JPH3: variants seen among roughly 807,000 people sequenced by gnomAD.
JPH3 encodes junctophilin-3.
A neutral mutation model predicts 59.6 loss-of-function variants in JPH3; 11 were observed. The observed-to-expected ratio is 0.18, with a 90% CI of 0.12 to 0.31. JPH3 has a LOEUF of 0.31. Ranked by LOEUF, JPH3 falls within the 10% of genes least tolerant of loss-of-function variation. The probability of loss-of-function intolerance (pLI) is 1.00; values close to 1 mark genes in which losing one functional copy is unlikely to be tolerated. For synonymous variants in JPH3, 673 were observed against 483.6 expected (o/e 1.39, Z -5.14); for missense variants, 1,202 against 1,105.7 (o/e 1.09, Z -1.24).
intron 4 of JPH3, chr16:87,694,817 C>G: frequency 5.2e-6 from 1 of 191,266 alleles, no homozygotes; most frequent in Non-Finnish European, 1.1e-5. Context: ...ACTTGCTGTC[C>G]CCTCCTCCCC....
rs147972155 is a variant in JPH3 at position 87,659,883 on chromosome 16, C to A, written c.1160+14848C>A. Among the ~76,000 whole-genome samples, 553 of 152,318 alleles carry A rather than the reference C, an allele frequency of 3.6e-3. 2 individuals carry two copies. Among genetic ancestry groups the A allele is most frequent in the Non-Finnish European group, 6.5e-3 (441 of 68,012 alleles). ...CCCTTGAAACACTAACTCCCCCTCC[C>A]AGGTTCCCTCCCCCAGCCTGGGGAT... On this transcript the variant is annotated intron_variant, in intron 2 of 4. Transcript: ENST00000284262.
intron 1 of JPH3, chr16:87,604,309 C>T: frequency 6.8e-7 from 1 of 1,467,312 alleles, no homozygotes; most frequent in Non-Finnish European, 9.1e-7. Context: ...GCTGCTGCTG[C>T]TGCTGCTGCT....
rs747863346 is a variant in JPH3 at position 87,689,763 on chromosome 16, C to A, written c.1403C>A (p.Ser468Tyr). The A allele has an allele frequency of 1.9e-6, 3 of 1,611,472 alleles. No homozygotes were observed. Among genetic ancestry groups the A allele is most frequent in the African/African-American group, 1.3e-5 (1 of 74,900 alleles). ...PELYRKGTTP[S>Y]DLTPDDSPLQ... is the part of the protein sequence containing the mutation. ...CTGTACCGCAAGGGCACCACTCCCTCCGACCTGACCCCCGACGACAGCCCC... is the reference window on the plus strand; with the variant it reads ...CTGTACCGCAAGGGCACCACTCCCTACGACCTGACCCCCGACGACAGCCCC... Residue 468 changes from serine to tyrosine, a missense_variant, in exon 4 of 5, where the codon TCC (serine) becomes TAC (tyrosine). Ser to Tyr is a moderately radical substitution (Grantham distance 144). Coordinates refer to ENST00000284262, the MANE Select transcript of JPH3 (RefSeq NM_020655.4).
intron 3 of JPH3, among the ~76,000 whole-genome samples, chr16:87,688,955 C>CT (rs1030463651): frequency 2.0e-5 from 3 of 152,182 alleles, no homozygotes; most frequent in African/African-American, 7.2e-5. Flanking sequence ...AATGCTGCCC[C>CT]TCCCTATCCA....
intron 2 of JPH3, among the ~76,000 whole-genome samples, chr16:87,647,636 C>A (rs993866034): frequency 2.6e-5 from 4 of 152,198 alleles, no homozygotes; most frequent in East Asian, 1.9e-4. Context: ...GGTCTTGGAT[C>A]GTAGCTCCTT....
In JPH3 at chr16:87,614,104, A is replaced by G. The variant is rs371447348; in HGVS notation, c.382+10576A>G. Among the ~76,000 whole-genome samples, 26 of 152,358 alleles carry G rather than the reference A, an allele frequency of 1.7e-4. No homozygotes were observed. The South Asian group carries it at 5.2e-3, about 30-fold the overall frequency. On this transcript the variant is annotated intron_variant, in intron 1 of 4. Coordinates refer to ENST00000284262, the MANE Select transcript of JPH3 (RefSeq NM_020655.4). ...GGGGCAGAGAGGTTTCACTCCCAGC[A>G]ATTTGTAAGCTTGGGGGACTGCCAG...
chr16:87,627,308 G>T (rs1056441772), intron 1 of JPH3, among the ~76,000 whole-genome samples: 1 of 152,264 alleles, frequency 6.6e-6, no homozygotes, highest in Admixed American at 6.5e-5. Context: ...CTGCATTTCA[G>T]GGTTCCCAGG....
chr16:87,644,397 C>T lies in JPH3; in HGVS notation c.522C>T (p.Gly174=). ...INSLRSEHTN[G]TALHPDASPA... is the part of the protein sequence containing the mutation. ...CCCTGCGCAGCGAGCACACCAACGG[C>T]ACGGCGCTGCATCCCGACGCCTCTC... Residue 174 remains glycine, a synonymous_variant, in exon 2 of 5, where the codon GGC becomes GGT. Coordinates refer to ENST00000284262, the MANE Select transcript of JPH3 (RefSeq NM_020655.4). 6.2e-7 allele frequency: 1 copy of T among 1,612,694 alleles called. No homozygotes were observed. The highest frequency in any genetic ancestry group is 8.5e-7 in the Non-Finnish European group (1 of 1,179,780).
At chr16:87,622,153 C>T (rs572450180) in intron 1 of JPH3, among the ~76,000 whole-genome samples, 2 of 152,292 alleles carry the variant, frequency 1.3e-5, no homozygotes, top group African/African-American at 4.8e-5. Context: ...CCGCATGCCA[C>T]CCCACAAGCT....
rs541361737 is a variant in JPH3 at position 87,611,096 on chromosome 16, A to G, written c.382+7568A>G. ...ATGTACGCAGTACAGAGTTTGTGGTAACGTGGAAGATTGGAAAAAAAGAAA... is the reference window on the plus strand; with the variant it reads ...ATGTACGCAGTACAGAGTTTGTGGTGACGTGGAAGATTGGAAAAAAAGAAA... On this transcript the variant is annotated intron_variant, in intron 1 of 4. Transcript: ENST00000284262. This position sits in a 1 kb window ranked among gnomAD's most constrained non-coding sequence, Gnocchi z 4.5. Among the ~76,000 whole-genome samples the G allele has an allele frequency of 4.5e-4, 68 of 152,372 alleles. No homozygotes were observed. The highest frequency in any genetic ancestry group is 1.6e-3 in the African/African-American group (66 of 41,592).
In JPH3 at chr16:87,603,031, C is replaced by A. The variant is rs974895456; in HGVS notation, c.-116C>A. The A allele has an allele frequency of 5.9e-6, 8 of 1,354,090 alleles. No homozygotes were observed. The African/African-American group carries it at 7.5e-5, about 13-fold the overall frequency. 83.9% of individuals were successfully genotyped at this position (1,354,090 alleles called of 1,614,324 possible). On this transcript the variant is annotated 5_prime_UTR_variant, in exon 1 of 5. Coordinates refer to ENST00000284262, the MANE Select transcript of JPH3 (RefSeq NM_020655.4). ...CCGAGACCGCGCTCCGGGGCCGCGT[C>A]CTCCTCTCCTCCGGAAAACGCTCGC...
intron 2 of JPH3, among the ~76,000 whole-genome samples, chr16:87,677,090 T>C (rs1216120884): frequency 1.3e-4 from 18 of 138,616 alleles, no homozygotes; most frequent in East Asian, 6.3e-4. Context: ...ACCCGGGAGG[T>C]GGAGCTTACA....
At chr16:87,659,193 G>A (rs756267327) in intron 2 of JPH3, among the ~76,000 whole-genome samples, 6 of 151,792 alleles carry the variant, frequency 4.0e-5, no homozygotes, top group Admixed American at 2.0e-4. Flanking sequence ...GGCCAACATG[G>A]CAAGATCCCC....
chr16:87,617,532 G>A (rs2031016240), intron 1 of JPH3, among the ~76,000 whole-genome samples: 1 of 151,946 alleles, frequency 6.6e-6, no homozygotes, highest in Non-Finnish European at 1.5e-5. Context: ...CAGGGAAATG[G>A]GGGGCCAGAG....
chr16:87,623,868 G>A (rs997065902), intron 1 of JPH3, among the ~76,000 whole-genome samples: 7 of 152,250 alleles, frequency 4.6e-5, no homozygotes, highest in Non-Finnish European at 1.0e-4. Context: ...CCCCGAGGCC[G>A]CAGAGCAAGC....
intron 1 of JPH3, among the ~76,000 whole-genome samples, chr16:87,632,690 C>G (rs112920029): frequency 8.5e-4 from 129 of 152,262 alleles, no homozygotes; most frequent in African/African-American, 3.0e-3. Flanking sequence ...GTCAGGAATT[C>G]GACACCAGCC....
At chr16:87,623,516 G>C (rs904631998) in intron 1 of JPH3, among the ~76,000 whole-genome samples, 2 of 152,210 alleles carry the variant, frequency 1.3e-5, no homozygotes, top group Non-Finnish European at 1.5e-5. Context: ...GCATCTTCTA[G>C]TTTAAGGAAA....
intron 1 of JPH3, among the ~76,000 whole-genome samples, chr16:87,635,763 C>G (rs2150838508): frequency 6.6e-6 from 1 of 152,260 alleles, no homozygotes; most frequent in Middle Eastern, 3.4e-3. Flanking sequence ...GTTTGTTCCT[C>G]AGCTGGGGTC....
Position 87,604,373 on chromosome 16 carries a change from G to A in JPH3, c.382+845G>A, listed in dbSNP as rs1040851368. The A allele has an allele frequency of 2.8e-6, 4 of 1,439,028 alleles. No individual in the cohort carries two copies. In the East Asian group the frequency reaches 1.4e-4, roughly 51 times the overall value. The allele number at this position is 1,439,028 out of a possible 1,614,324, so 89.1% of individuals were successfully genotyped here. A position where few individuals can be genotyped will look rare whatever the true frequency, so the allele number is the denominator to read the frequency against. ...GGGAACCTTGGCCGGCTCTGCAGCT[G>A]CCCGCCTGCCTGGACTCTCCGATAT... On this transcript the variant is annotated intron_variant, in intron 1 of 4. Coordinates refer to ENST00000284262, the MANE Select transcript of JPH3 (RefSeq NM_020655.4).
Sources: allele counts gnomAD v4.1 joint callset (sites outside exome capture counted in the v4.1 genomes callset), GRCh38; gene constraint gnomAD v4.1.1; non-coding constraint Gnocchi (gnomAD v3.1); transcripts MANE v1.5; gene names NCBI Gene and HGNC (gene_info 2026-07-23, HGNC 2026-07-21).